Variants in NEGR1 observed in about 807,000 individuals in gnomAD.
NEGR1 encodes the protein neuronal growth regulator 1, also known as IgLON family member 4.
NEGR1 carries 10 observed loss-of-function variants against 40.9 expected under a neutral mutation model. The ratio of observed to expected loss-of-function variants is 0.24; its 90% CI spans 0.15 to 0.42. The LOEUF (loss-of-function observed/expected upper bound fraction) is 0.42. Among genes scored for constraint, NEGR1 ranks in the 10% least tolerant of loss-of-function variants. The pLI is 1.00. For missense variants in NEGR1, 352 were observed against 438.9 expected (o/e 0.80, Z 1.77); for synonymous variants, 185 against 166.8 (o/e 1.11, Z -0.84).
At chr1:72,180,038 T>C (rs563549581) in intron 1 of NEGR1, among the ~76,000 whole-genome samples, 1 of 151,998 alleles carries the variant, frequency 6.6e-6, no homozygotes, top group Admixed American at 6.6e-5. Context: ...AATCCTAAAA[T>C]TTGCATAGAA....
At chr1:72,019,323 C>T (rs1248847698) in intron 1 of NEGR1, among the ~76,000 whole-genome samples, 1 of 152,146 alleles carries the variant, frequency 6.6e-6, no homozygotes, top group Non-Finnish European at 1.5e-5. Flanking sequence ...ACACAGCATA[C>T]AAGCATATTT....
At chr1:71,825,716 A>G (rs1658595887) in intron 2 of NEGR1, among the ~76,000 whole-genome samples, 1 of 151,868 alleles carries the variant, frequency 6.6e-6, no homozygotes, top group African/African-American at 2.4e-5. Flanking sequence ...AAAGGATCAC[A>G]TGTGATTATG....
At chr1:71,441,612 T>A (rs532088629) in intron 6 of NEGR1, among the ~76,000 whole-genome samples, 13 of 152,228 alleles carry the variant, frequency 8.5e-5, no homozygotes, top group South Asian at 8.3e-4. Context: ...TCATCAAGGG[T>A]TTTTAAAATC....
chr1:72,011,901 G>T (rs1032790516), intron 1 of NEGR1, among the ~76,000 whole-genome samples: 2 of 152,118 alleles, frequency 1.3e-5, no homozygotes, highest in Admixed American at 1.3e-4. Flanking sequence ...AGCATTAAGT[G>T]ATGAAGTACA....
At chr1:72,258,706 G>A (rs926012254) in intron 1 of NEGR1, among the ~76,000 whole-genome samples, 2 of 151,938 alleles carry the variant, frequency 1.3e-5, no homozygotes, top group Non-Finnish European at 2.9e-5. Context: ...AATTCAAAAT[G>A]ATAATGAGTA....
At chr1:71,777,063 T>G (rs951504871) in intron 2 of NEGR1, among the ~76,000 whole-genome samples, 5 of 152,140 alleles carry the variant, frequency 3.3e-5, no homozygotes, top group Non-Finnish European at 5.9e-5. Flanking sequence ...TCCCAGAATT[T>G]AATCACATAA....
chr1:71,825,006 G>A (rs575594421), intron 2 of NEGR1, among the ~76,000 whole-genome samples: 1 of 151,828 alleles, frequency 6.6e-6, no homozygotes, highest in East Asian at 1.9e-4. Flanking sequence ...TTTATCTTGG[G>A]TAAATATCTA....
At chr1:71,811,441 C>A (rs1345531112) in intron 2 of NEGR1, among the ~76,000 whole-genome samples, 1 of 152,000 alleles carries the variant, frequency 6.6e-6, no homozygotes, top group Non-Finnish European at 1.5e-5. Flanking sequence ...ACCTCCTTTC[C>A]TAACCACCTT....
intron 2 of NEGR1, among the ~76,000 whole-genome samples, chr1:71,915,035 G>T (rs117430007): frequency 7.9e-5 from 12 of 151,874 alleles, no homozygotes; most frequent in Admixed American, 6.6e-5. Context: ...GAAACCAAAA[G>T]TTTTTTCCAA....
At chr1:71,652,138 T>C (rs1320008613) in intron 4 of NEGR1, among the ~76,000 whole-genome samples, 1 of 152,176 alleles carries the variant, frequency 6.6e-6, no homozygotes, top group Non-Finnish European at 1.5e-5. Context: ...CCAATTCCAA[T>C]CCTAAAATCT....
At chr1:72,190,450 C>A (rs1251195924) in intron 1 of NEGR1, among the ~76,000 whole-genome samples, 1 of 151,450 alleles carries the variant, frequency 6.6e-6, no homozygotes, top group Non-Finnish European at 1.5e-5. Context: ...CGATGAATTA[C>A]ATAGAACTGA....
chr1:71,626,018 T>C (rs558981148), intron 4 of NEGR1, among the ~76,000 whole-genome samples: 25 of 151,928 alleles, frequency 1.6e-4, no homozygotes, highest in African/African-American at 5.8e-4. Flanking sequence ...ATGTGAGGAA[T>C]GTAAGCTGCA....
intron 1 of NEGR1, among the ~76,000 whole-genome samples, chr1:72,134,213 CTTTT>C (rs538728682): frequency 1.5e-5 from 2 of 136,096 alleles, no homozygotes. Flanking sequence ...TTTTTTTTTT[CTTTT>C]TTTTTTTTTG....
intron 6 of NEGR1, among the ~76,000 whole-genome samples, chr1:71,545,747 G>A (rs529426115): frequency 4.0e-5 from 6 of 151,712 alleles, no homozygotes; most frequent in East Asian, 2.0e-4. Context: ...ACTCAGGCCC[G>A]AGGGGAAAAC....
At chr1:71,943,514 C>T (rs1339474660) in intron 1 of NEGR1, among the ~76,000 whole-genome samples, 2 of 151,934 alleles carry the variant, frequency 1.3e-5, no homozygotes, top group Non-Finnish European at 2.9e-5. Flanking sequence ...TAATAAGAAG[C>T]TTCCAAGCAA....
intron 1 of NEGR1, among the ~76,000 whole-genome samples, chr1:71,972,987 CAT>C (rs1272315522): frequency 1.3e-5 from 2 of 152,116 alleles, no homozygotes; most frequent in Non-Finnish European, 1.5e-5. Flanking sequence ...GGTAAGTGAA[CAT>C]ATAAATGCAT....
chr1:72,089,469 A>T (rs1557520969), intron 1 of NEGR1, among the ~76,000 whole-genome samples: 1 of 152,230 alleles, frequency 6.6e-6, no homozygotes. Context: ...TCCAAGCATG[A>T]TCATAACTGT....
chr1:71,790,451 A>G (rs967191006), intron 2 of NEGR1, among the ~76,000 whole-genome samples: 10 of 152,084 alleles, frequency 6.6e-5, no homozygotes, highest in Non-Finnish European at 1.5e-4. Context: ...TAGACGCCAG[A>G]CAGAATAGTA....
chr1:71,417,502 A>G (rs1646364102), intron 6 of NEGR1, among the ~76,000 whole-genome samples: 2 of 152,186 alleles, frequency 1.3e-5, no homozygotes, highest in African/African-American at 4.8e-5. Flanking sequence ...GTCTCTCAAG[A>G]CATCATACCA....
Sources: gnomAD v4.1 joint callset for allele counts (sites outside exome capture counted in the v4.1 genomes callset) on GRCh38, gnomAD v4.1.1 for gene constraint, MANE v1.5 for transcripts, NCBI Gene and HGNC (gene_info 2026-07-23, HGNC 2026-07-21) for gene names.